Variants in DDX46 observed in about 807,000 individuals in gnomAD.
The protein encoded by DDX46 is probable ATP-dependent RNA helicase DDX46.
DDX46 carries 30 observed loss-of-function variants against 134.9 expected under a neutral mutation model. The ratio of observed to expected loss-of-function variants is 0.22; its 90% CI spans 0.17 to 0.30. The LOEUF is 0.30. Ranked by LOEUF, DDX46 falls within the 10% of genes least tolerant of loss-of-function variation. DDX46 has a pLI of 1.00. For synonymous variants in DDX46, 415 were observed against 404.1 expected (o/e 1.03, Z -0.32); for missense variants, 622 against 1,248.7 (o/e 0.50, Z 7.56).
chr5:134,767,971 A>T (rs919184357), intron 3 of DDX46, among the ~76,000 whole-genome samples: 8 of 151,936 alleles, frequency 5.3e-5, no homozygotes, highest in Admixed American at 1.3e-4. Context: ...AACAAAAAAA[A>T]GTTAACAGAA....
At chr5:134,804,679 C>T (rs571081653) in intron 15 of DDX46, 7 of 207,686 alleles carry the variant, frequency 3.4e-5, no homozygotes, top group East Asian at 2.5e-4. Flanking sequence ...TTTATTGTTC[C>T]GGAAAAGTCA....
Position 134,824,187 on chromosome 5 carries a change from C to G in DDX46, c.2978-2760C>G, listed in dbSNP as rs6861219. Among the ~76,000 whole-genome samples, 1,170 of 152,244 alleles carry G rather than the reference C, an allele frequency of 7.7e-3. 14 individuals carry two copies. The highest frequency in any genetic ancestry group is 0.027 in the African/African-American group (1,107 of 41,526). On this transcript the variant is annotated intron_variant, in intron 21 of 22. Transcript: ENST00000452510. ...CCAGAATGGTTCTGGTCATTTGTCTCCACTGTCAATTTACACTCAGGAAAT... is the reference window on the plus strand; with the variant it reads ...CCAGAATGGTTCTGGTCATTTGTCTGCACTGTCAATTTACACTCAGGAAAT...
At chr5:134,774,001 T>G in intron 5 of DDX46, 140 bp downstream of exon 5, 1 of 965,208 alleles carries the variant, frequency 1.0e-6, no homozygotes, top group Non-Finnish European at 1.4e-6. Context: ...CATTTTCAGG[T>G]TTCAATTCAG....
In DDX46 at chr5:134,770,930, T is replaced by C; in HGVS notation, c.378T>C (p.Gly126=). Residue 126 remains glycine (G), a synonymous_variant, in exon 4 of 23, where the codon GGT becomes GGC. Coordinates refer to ENST00000452510, the MANE Select transcript of DDX46 (RefSeq NM_001300860.2). ...NRSRSKEKTD[G]GESSKEKKKD... is the part of the protein sequence containing the mutation. ...CTAGGTCCAAAGAGAAAACTGATGG[T>C]GGGGAAAGTTCTAAAGAGAAGAAAA... The C allele has an allele frequency of 1.3e-6, 2 of 1,587,966 alleles. No individual in the cohort carries two copies. Among genetic ancestry groups the C allele is most frequent in the Non-Finnish European group, 1.7e-6 (2 of 1,170,446 alleles).
At chr5:134,796,356 A>C (rs1754652858) in intron 15 of DDX46, among the ~76,000 whole-genome samples, 5 of 152,238 alleles carry the variant, frequency 3.3e-5, no homozygotes, top group Admixed American at 3.3e-4. Flanking sequence ...TGGTTTGACC[A>C]AGTTCCATCG....
At chr5:134,809,085 A>T (rs1755068175) in intron 16 of DDX46, among the ~76,000 whole-genome samples, 1 of 152,198 alleles carries the variant, frequency 6.6e-6, no homozygotes, top group Admixed American at 6.5e-5. Context: ...TGCACATAGG[A>T]TTTAGCTCAC....
chr5:134,791,179 G>C (rs920136294), intron 13 of DDX46, among the ~76,000 whole-genome samples: 1 of 152,140 alleles, frequency 6.6e-6, no homozygotes, highest in Non-Finnish European at 1.5e-5. Context: ...ATCTAGTCTA[G>C]ATAGCACGTC....
intron 3 of DDX46, among the ~76,000 whole-genome samples, chr5:134,767,751 G>A (rs953129599): frequency 6.6e-6 from 1 of 151,682 alleles, no homozygotes; most frequent in African/African-American, 2.4e-5. Flanking sequence ...GGGAGTTGGC[G>A]ACCAGCCTGA....
At position 134,776,218 on chromosome 5, in the gene DDX46, C is replaced by T. The variant is rs536824174; in HGVS notation, c.614-1356C>T. On this transcript the variant is annotated intron_variant, in intron 5 of 22. Transcript: ENST00000452510. ...CATCCTGGCCAACATGGTGAAACTC[C>T]GTCTCTACTAAAAATACAAAAATTA... Among the ~76,000 whole-genome samples, 52 of 151,746 alleles carry T rather than the reference C, an allele frequency of 3.4e-4. 2 individuals are homozygous for T. In the South Asian group the frequency reaches 8.8e-3, roughly 26 times the overall value.
At chr5:134,763,796 CTT>C (rs1580768086) in intron 1 of DDX46, 106 bp from the exon 2 acceptor site, 1 of 1,281,042 alleles carries the variant, frequency 7.8e-7, no homozygotes. Context: ...ATAAAAAGTT[CTT>C]TGAGTGTTAA....
rs1329814037 is a variant in DDX46 at position 134,830,215 on chromosome 5, A to T, written c.*1509A>T. The T allele has an allele frequency of 1.3e-5, 2 of 151,976 alleles. No homozygotes were observed. Among genetic ancestry groups the T allele is most frequent in the Non-Finnish European group, 2.9e-5 (2 of 67,974 alleles). The allele number at this position is 151,976 out of a possible 1,614,324, so 9.4% of individuals were successfully genotyped here. A position where few individuals can be genotyped will look rare whatever the true frequency, so the allele number is the denominator to read the frequency against. On this transcript the variant is annotated 3_prime_UTR_variant, in exon 23 of 23. Transcript: ENST00000452510. ...AAAGAATGTAAAATTTTAAAAATAC[A>T]GTTTAACAGCTGTAAAAGTTTTACT...
intron 20 of DDX46, among the ~76,000 whole-genome samples, chr5:134,817,954 T>G (rs966996463): frequency 2.7e-5 from 4 of 150,658 alleles, no homozygotes; most frequent in Admixed American, 1.3e-4. Context: ...GTTTGTTGTT[T>G]TTTTTTTTTT....
At position 134,781,207 on chromosome 5, in the gene DDX46, G is replaced by A; in HGVS notation, c.840G>A (p.Lys280=). Residue 280 remains lysine, a synonymous_variant, in exon 7 of 23, where the codon AAG becomes AAA. Coordinates refer to ENST00000452510, the MANE Select transcript of DDX46 (RefSeq NM_001300860.2). ...AAGCAGTTGTGGATTCTGATAAGAA[G>A]AAAGGTGAGCTGATGGAGAATGACC... The part of the protein sequence containing the change: ...TKKAVVDSDK[K]KGELMENDQD... 1 of 1,605,222 alleles carries A rather than the reference G, an allele frequency of 6.2e-7. No homozygotes were observed. The highest frequency in any genetic ancestry group is 8.5e-7 in the Non-Finnish European group (1 of 1,178,026).
At chr5:134,816,667 C>G (rs1185731722) in intron 19 of DDX46, 61 bp downstream of exon 19, 2 of 1,522,098 alleles carry the variant, frequency 1.3e-6, no homozygotes, top group African/African-American at 2.8e-5. Flanking sequence ...TTTTACTTTT[C>G]AGGAATTATG....
At chr5:134,782,576 G>A (rs1282501737) in intron 8 of DDX46, among the ~76,000 whole-genome samples, 1 of 151,822 alleles carries the variant, frequency 6.6e-6, no homozygotes, top group Non-Finnish European at 1.5e-5. Context: ...GGAGTGCAGT[G>A]GTGCAGTCAT....
intron 1 of DDX46, among the ~76,000 whole-genome samples, chr5:134,762,951 C>T (rs375643226): frequency 2.7e-5 from 4 of 150,604 alleles, no homozygotes; most frequent in Admixed American, 6.6e-5. Flanking sequence ...CCTAGCTACT[C>T]GGGAGGCTGA....
At chr5:134,799,990 C>T (rs1273114346) in intron 15 of DDX46, among the ~76,000 whole-genome samples, 1 of 152,134 alleles carries the variant, frequency 6.6e-6, no homozygotes, top group East Asian at 1.9e-4. Context: ...CTCTGTCGCC[C>T]AGGCTGGAGT....
intron 13 of DDX46, among the ~76,000 whole-genome samples, chr5:134,791,206 G>C (rs760993394): frequency 6.6e-6 from 1 of 152,192 alleles, no homozygotes; most frequent in Non-Finnish European, 1.5e-5. Flanking sequence ...GTTTACCAAA[G>C]TCATTCACGT....
intron 1 of DDX46, 79 bp downstream of exon 1, chr5:134,759,034 C>T (rs1580763315): frequency 1.3e-6 from 2 of 1,580,068 alleles, no homozygotes; most frequent in East Asian, 4.5e-5. Flanking sequence ...GAGGTGGCCG[C>T]CGGGCCAGGC....
Sources: allele counts gnomAD v4.1 joint callset (sites outside exome capture counted in the v4.1 genomes callset), GRCh38; gene constraint gnomAD v4.1.1; transcripts MANE v1.5; gene names NCBI Gene and HGNC (gene_info 2026-07-23, HGNC 2026-07-21).